PPP6R3: variants seen among roughly 807,000 people sequenced by gnomAD.
PPP6R3 encodes the protein serine/threonine-protein phosphatase 6 regulatory subunit 3.
PPP6R3 carries 38 observed loss-of-function variants against 110.7 expected under a neutral mutation model. The ratio of observed to expected loss-of-function variants is 0.34; its 90% CI spans 0.26 to 0.45. The LOEUF (loss-of-function observed/expected upper bound fraction) is 0.45. PPP6R3 is among the 20% of genes least tolerant of loss of function. The pLI is 1.00. For missense variants in PPP6R3, 870 were observed against 1,062.4 expected, an observed-to-expected ratio of 0.82 and a Z score of 2.52; for synonymous variants, 369 against 373.5, an observed-to-expected ratio of 0.99 and a Z score of 0.14.
At chr11:68,466,984 G>C in intron 1 of PPP6R3, among the ~76,000 whole-genome samples, 1 of 152,140 alleles carries the variant, frequency 6.6e-6, no homozygotes, top group Non-Finnish European at 1.5e-5. Flanking sequence ...TTAGTGAGCC[G>C]CCCGCCTTGG....
chr11:68,519,699 A>G, intron 2 of PPP6R3, 48 bp downstream of exon 2: 1 of 398,178 alleles, frequency 2.5e-6, no homozygotes, highest in Non-Finnish European at 4.4e-6. Flanking sequence ...AATGACATCA[A>G]GGAAAGCTGT....
chr11:68,594,154 A>G (rs1431837654), intron 18 of PPP6R3, among the ~76,000 whole-genome samples: 10 of 152,172 alleles, frequency 6.6e-5, no homozygotes, highest in Admixed American at 6.5e-4. Flanking sequence ...AAAGTGATAT[A>G]ATGATAAAGG....
chr11:68,537,592 A>G (rs2099277415), intron 2 of PPP6R3, 67 bp from the exon 3 acceptor site: 2 of 1,099,014 alleles, frequency 1.8e-6, no homozygotes, highest in Admixed American at 2.6e-5. Context: ...CTGAACTGAA[A>G]TATGAATTAT....
chr11:68,483,649 CTT>C (rs1187946230), intron 1 of PPP6R3, among the ~76,000 whole-genome samples: 1 of 152,094 alleles, frequency 6.6e-6, no homozygotes, highest in East Asian at 1.9e-4. Context: ...GACTGGCTAA[CTT>C]TTGTGTTTTT....
intron 23 of PPP6R3, among the ~76,000 whole-genome samples, chr11:68,612,263 G>C (rs1022721066): frequency 6.6e-6 from 1 of 152,216 alleles, no homozygotes; most frequent in African/African-American, 2.4e-5. Context: ...AGTGGATTGT[G>C]TGTGCAGAGC....
At chr11:68,540,492 G>A (rs554044039) in intron 3 of PPP6R3, among the ~76,000 whole-genome samples, 2 of 152,222 alleles carry the variant, frequency 1.3e-5, no homozygotes, top group South Asian at 2.1e-4. Context: ...ACAGGACCGG[G>A]GCAAAATTAA....
chr11:68,541,982 AG>A (rs2099318019), intron 3 of PPP6R3, among the ~76,000 whole-genome samples: 1 of 152,108 alleles, frequency 6.6e-6, no homozygotes, highest in Non-Finnish European at 1.5e-5. Flanking sequence ...TTCTTGTAAC[AG>A]GAGCAGAGAG....
intron 14 of PPP6R3, among the ~76,000 whole-genome samples, chr11:68,582,656 A>C (rs1232589385): frequency 2.0e-5 from 3 of 152,214 alleles, no homozygotes; most frequent in Non-Finnish European, 2.9e-5. Flanking sequence ...TTGCAGTTGG[A>C]CCCTGCAGGC....
chr11:68,555,614 C>A (rs78397944), intron 7 of PPP6R3, among the ~76,000 whole-genome samples: 8,002 of 152,300 alleles, frequency 0.053, 226 homozygotes, highest in Middle Eastern at 0.13. Flanking sequence ...TCCAAGCCTT[C>A]CGTCCACACA....
At chr11:68,498,299 T>G (rs1359418443) in intron 1 of PPP6R3, among the ~76,000 whole-genome samples, 1 of 152,214 alleles carries the variant, frequency 6.6e-6, no homozygotes, top group Non-Finnish European at 1.5e-5. Context: ...ATAATGAAAC[T>G]ATCAGTTACC....
intron 1 of PPP6R3, among the ~76,000 whole-genome samples, chr11:68,497,352 C>T (rs892569002): frequency 6.6e-6 from 1 of 151,558 alleles, no homozygotes; most frequent in African/African-American, 2.4e-5. Flanking sequence ...CCACGTCCGG[C>T]CTCTGTATTC....
At chr11:68,599,632 C>G (rs1185264905) in intron 19 of PPP6R3, among the ~76,000 whole-genome samples, 1 of 152,194 alleles carries the variant, frequency 6.6e-6, no homozygotes, top group Non-Finnish European at 1.5e-5. Flanking sequence ...AGAAAAATAA[C>G]CTTTTTACTT....
intron 18 of PPP6R3, among the ~76,000 whole-genome samples, chr11:68,594,322 A>AGAGAGAGAGAGTGAG (rs2099605834): frequency 1.6e-5 from 2 of 125,470 alleles, no homozygotes; most frequent in Admixed American, 7.5e-5. Context: ...GAGAGAGAAA[A>AGAGAGAGAGAGTGAG]AGAGAGAGAG....
chr11:68,582,097 C>T (rs2099556973), intron 14 of PPP6R3, among the ~76,000 whole-genome samples: 1 of 152,204 alleles, frequency 6.6e-6, no homozygotes, highest in Admixed American at 6.5e-5. Flanking sequence ...TAGGTACAGC[C>T]TCATGAGTTG....
At chr11:68,606,610 C>T (rs1940184825) in intron 22 of PPP6R3, among the ~76,000 whole-genome samples, 1 of 151,966 alleles carries the variant, frequency 6.6e-6, no homozygotes, top group South Asian at 2.1e-4. Context: ...GCCACCGCGC[C>T]TGGCAATGAA....
intron 2 of PPP6R3, among the ~76,000 whole-genome samples, chr11:68,533,614 A>T (rs1224034956): frequency 1.4e-5 from 2 of 140,682 alleles, no homozygotes; most frequent in Non-Finnish European, 3.0e-5. Context: ...CTGAGGTGGG[A>T]GGATCACCTG....
chr11:68,582,736 A>G (rs1225578985), intron 14 of PPP6R3, among the ~76,000 whole-genome samples: 1 of 152,164 alleles, frequency 6.6e-6, no homozygotes, highest in Non-Finnish European at 1.5e-5. Context: ...GTAAACATTT[A>G]ATTGGAGGTG....
At chr11:68,539,964 G>A (rs2099302657) in intron 3 of PPP6R3, among the ~76,000 whole-genome samples, 1 of 152,218 alleles carries the variant, frequency 6.6e-6, no homozygotes, top group Non-Finnish European at 1.5e-5. Flanking sequence ...CAGCAAGTGT[G>A]GAAGCACTAA....
intron 1 of PPP6R3, among the ~76,000 whole-genome samples, chr11:68,513,158 C>T (rs1228556862): frequency 6.6e-6 from 1 of 152,092 alleles, no homozygotes; most frequent in Non-Finnish European, 1.5e-5. Context: ...AACCTCGTTA[C>T]CGGCATCCCG....
Sources: gnomAD v4.1 joint callset for allele counts (sites outside exome capture counted in the v4.1 genomes callset) on GRCh38, gnomAD v4.1.1 for gene constraint, MANE v1.5 for transcripts, NCBI Gene and HGNC (gene_info 2026-07-23, HGNC 2026-07-21) for gene names.